The following SPECC1 variants were observed in gnomAD, a reference collection of about 807,000 sequenced individuals.
SPECC1 encodes the protein cytospin-B.
A neutral mutation model predicts 104.1 loss-of-function variants in SPECC1; 62 were observed. The observed-to-expected ratio is 0.60, with a 90% confidence interval of 0.49 to 0.74. The LOEUF is 0.74. Ranked by LOEUF, SPECC1 falls within the 30% of genes least tolerant of loss-of-function variation. The pLI, the probability that SPECC1 is intolerant of heterozygous loss-of-function variation, is 0.00. For synonymous variants in SPECC1, 513 were observed against 501.6 expected (o/e 1.02, Z -0.30); for missense variants, 1,306 against 1,310.5 (o/e 1.00, Z 0.05).
chr17:20,022,711 C>A (rs1453084124), intron 1 of SPECC1, among the ~76,000 whole-genome samples: 1 of 152,216 alleles, frequency 6.6e-6, no homozygotes, highest in Non-Finnish European at 1.5e-5. Flanking sequence ...ACCCACCTGT[C>A]CTCACTCATT....
chr17:20,051,086 T>TTCTC, intron 1 of SPECC1, among the ~76,000 whole-genome samples: 1 of 88,932 alleles, frequency 1.1e-5, no homozygotes, highest in Non-Finnish European at 2.2e-5. Context: ...CTTTCTTTCT[T>TTCTC]TCTTTCTTTC....
intron 1 of SPECC1, among the ~76,000 whole-genome samples, chr17:20,065,155 C>G (rs1421901759): frequency 6.6e-6 from 1 of 152,200 alleles, no homozygotes; most frequent in Non-Finnish European, 1.5e-5. Flanking sequence ...ACCACAACAA[C>G]AGTCATCAAC....
rs115101963 is a variant in SPECC1, at chr17:20,212,207, G to A, written c.1863+6295G>A. Among the ~76,000 whole-genome samples the A allele has an allele frequency of 1.6e-3, 244 of 152,236 alleles. 1 individual carries two copies. Among genetic ancestry groups the A allele is most frequent in the African/African-American group, 5.7e-3 (238 of 41,530 alleles). ...CAAAATAATAATAATTCAACTTTAG[G>A]CCAATAAGAATGAACTATGGATGAT... On this transcript the variant is annotated intron_variant, in intron 4 of 14. Transcript: ENST00000395527.
At chr17:20,228,339 C>CTT (rs2038362383) in intron 5 of SPECC1, among the ~76,000 whole-genome samples, 1 of 152,086 alleles carries the variant, frequency 6.6e-6, no homozygotes, top group Non-Finnish European at 1.5e-5. Flanking sequence ...AGGTGTGAGC[C>CTT]ACCGTATTGA....
At chr17:20,207,720 C>G (rs2036878031) in intron 4 of SPECC1, among the ~76,000 whole-genome samples, 1 of 151,860 alleles carries the variant, frequency 6.6e-6, no homozygotes, top group Non-Finnish European at 1.5e-5. Flanking sequence ...GCTGTATGTC[C>G]TTTCAGGCCT....
At chr17:20,069,961 T>A (rs1319698111) in intron 1 of SPECC1, among the ~76,000 whole-genome samples, 1 of 152,202 alleles carries the variant, frequency 6.6e-6, no homozygotes, top group Non-Finnish European at 1.5e-5. Context: ...TAAGATCTTG[T>A]ATTCTGCAGC....
intron 12 of SPECC1, among the ~76,000 whole-genome samples, chr17:20,293,044 G>T (rs1036912354): frequency 6.6e-6 from 1 of 152,124 alleles, no homozygotes; most frequent in Non-Finnish European, 1.5e-5. Flanking sequence ...CAGATTCTTT[G>T]TATCTATGTC....
At chr17:20,236,024 C>G (rs1293724200) in intron 7 of SPECC1, among the ~76,000 whole-genome samples, 1 of 152,172 alleles carries the variant, frequency 6.6e-6, no homozygotes, top group African/African-American at 2.4e-5. Context: ...TGGGTCACAG[C>G]CGCTCAGCAT....
chr17:20,219,466 T>C (rs982247523), intron 4 of SPECC1, among the ~76,000 whole-genome samples: 8 of 152,236 alleles, frequency 5.3e-5, no homozygotes, highest in African/African-American at 1.7e-4. Context: ...GTTTGCCATT[T>C]GTATGTCTTT....
At chr17:20,133,130 T>C (rs1243979604) in intron 3 of SPECC1, among the ~76,000 whole-genome samples, 1 of 152,192 alleles carries the variant, frequency 6.6e-6, no homozygotes, top group Non-Finnish European at 1.5e-5. Flanking sequence ...CTGCCATTGG[T>C]AATCTGTATA....
intron 2 of SPECC1, among the ~76,000 whole-genome samples, chr17:20,108,224 CA>C (rs1408282730): frequency 5.9e-5 from 8 of 136,332 alleles, no homozygotes; most frequent in African/African-American, 2.2e-4. Context: ...TTAAAAATTA[CA>C]AAAAAAAGGA....
intron 4 of SPECC1, among the ~76,000 whole-genome samples, chr17:20,216,324 A>G (rs1479402112): frequency 1.3e-5 from 2 of 152,106 alleles, no homozygotes; most frequent in African/African-American, 4.8e-5. Context: ...CCCGAGGCCC[A>G]TTGCCTTTCC....
At chr17:20,164,172 T>TTC (rs1341495843) in intron 3 of SPECC1, among the ~76,000 whole-genome samples, 1 of 150,674 alleles carries the variant, frequency 6.6e-6, no homozygotes, top group Non-Finnish European at 1.5e-5. Flanking sequence ...CCATGTAATT[T>TTC]TTTTTTTTTT....
At chr17:20,074,217 G>A (rs2046668614) in intron 1 of SPECC1, among the ~76,000 whole-genome samples, 1 of 152,170 alleles carries the variant, frequency 6.6e-6, no homozygotes, top group African/African-American at 2.4e-5. Flanking sequence ...GCACTGTAGT[G>A]TGCCCTGTCG....
intron 12 of SPECC1, among the ~76,000 whole-genome samples, chr17:20,287,096 G>A (rs750735159): frequency 2.6e-5 from 4 of 152,214 alleles, no homozygotes; most frequent in Non-Finnish European, 5.9e-5. Flanking sequence ...GCCTCTGTAC[G>A]TGGTCTGCAA....
chr17:20,310,245 A>C (rs1244186389), intron 14 of SPECC1, among the ~76,000 whole-genome samples: 1 of 152,174 alleles, frequency 6.6e-6, no homozygotes, highest in Non-Finnish European at 1.5e-5. Flanking sequence ...TCTTCTGGAT[A>C]TATACCCAGT....
At chr17:20,247,188 A>C (rs1050704424) in intron 8 of SPECC1, 31 bp from the exon 9 acceptor site, 10 of 1,542,188 alleles carry the variant, frequency 6.5e-6, no homozygotes, top group Non-Finnish European at 8.9e-6. Context: ...GTGGAACAAC[A>C]TATAAATGTT....
intron 2 of SPECC1, among the ~76,000 whole-genome samples, chr17:20,106,722 C>T (rs1404680920): frequency 6.6e-6 from 1 of 152,152 alleles, no homozygotes; most frequent in African/African-American, 2.4e-5. Flanking sequence ...TGTGAGGCCT[C>T]CCTAGCCATG....
chr17:20,141,031 C>G (rs968542229), intron 3 of SPECC1, among the ~76,000 whole-genome samples: 3 of 152,214 alleles, frequency 2.0e-5, no homozygotes, highest in Non-Finnish European at 2.9e-5. Context: ...CTTGTCTAGG[C>G]TGTGCATGTC....
Sources: allele counts gnomAD v4.1 joint callset (sites outside exome capture counted in the v4.1 genomes callset), GRCh38; gene constraint gnomAD v4.1.1; transcripts MANE v1.5; gene names NCBI Gene and HGNC (gene_info 2026-07-23, HGNC 2026-07-21).